Variants in ZDHHC9 observed in about 807,000 individuals in gnomAD.
The protein encoded by ZDHHC9 is zDHHC palmitoyltransferase 9, also known as palmitoyltransferase ZDHHC9.
ZDHHC9 carries 3 observed loss-of-function variants against 26.6 expected under a neutral mutation model. That is an observed-to-expected ratio of 0.11 (90% confidence interval 0.05 to 0.29). The LOEUF (loss-of-function observed/expected upper bound fraction) is 0.29, where lower values mean the gene tolerates loss of function less well. Ranked by LOEUF, ZDHHC9 falls within the 10% of genes least tolerant of loss-of-function variation. ZDHHC9 has a pLI of 1.00. For synonymous variants in ZDHHC9, 111 were observed against 109.4 expected (o/e 1.01, Z -0.09); for missense variants, 146 against 296.4 (o/e 0.49, Z 3.73).
chrX:129,812,924 A>G, intron 7 of ZDHHC9, 104 bp from the exon 8 acceptor site: 1 of 565,933 alleles, frequency 1.8e-6, no homozygotes, highest in Admixed American at 2.5e-5. Flanking sequence ...CCTGGAACGT[A>G]TATCACAAAA....
chrX:129,814,943 T>A, intron 5 of ZDHHC9, 148 bp from the exon 6 acceptor site: 1 of 672,560 alleles, frequency 1.5e-6, no homozygotes. Context: ...TTTTACTTTT[T>A]CAAAATGTTT....
chrX:129,843,684 A>G lies in ZDHHC9; in HGVS notation c.-204+12T>C, dbSNP rs912666837. On this transcript the variant is annotated intron_variant, in intron 1 of 10. Coordinates refer to ENST00000357166, the MANE Select transcript of ZDHHC9 (RefSeq NM_016032.4). ...CCGAGCCCAGGAGACCCCCGCCCCC[A>G]CCCCTCGTTACCTGAACCACGGAGA... The G allele has an allele frequency of 2.4e-3, 93 of 38,542 alleles. 1 individual carries two copies. The highest frequency in any genetic ancestry group is 8.2e-3 in the African/African-American group (84 of 10,194). 3.2% of individuals were successfully genotyped at this position (38,542 alleles called of 1,213,427 possible).
chrX:129,828,564 G>A (rs1246349452), intron 4 of ZDHHC9, among the ~76,000 whole-genome samples: 1 of 111,015 alleles, frequency 9.0e-6, no homozygotes, highest in African/African-American at 3.3e-5. Flanking sequence ...AGAGGTTGCA[G>A]TGAGCCAAGA....
chrX:129,815,732 T>C (rs998652754), intron 5 of ZDHHC9, among the ~76,000 whole-genome samples: 1 of 111,272 alleles, frequency 9.0e-6, no homozygotes, highest in Non-Finnish European at 1.9e-5. Context: ...ATGTTAAAAT[T>C]ACCATAAAGA....
At chrX:129,806,507 G>A (rs1394453267) in intron 10 of ZDHHC9, 21 bp from the exon 11 acceptor site, 1 of 1,162,555 alleles carries the variant, frequency 8.6e-7, no homozygotes, top group Non-Finnish European at 1.2e-6. Flanking sequence ...AAAGATATGA[G>A]ATTCAACACA....
intron 4 of ZDHHC9, among the ~76,000 whole-genome samples, chrX:129,824,166 T>C (rs1373209204): frequency 8.9e-6 from 1 of 112,225 alleles, no homozygotes. Context: ...AGCACAAAGA[T>C]ACCATTTTTA....
At chrX:129,811,211 G>A (rs182577567) in intron 9 of ZDHHC9, among the ~76,000 whole-genome samples, 195 bp downstream of exon 9, 1 of 111,874 alleles carries the variant, frequency 8.9e-6, no homozygotes, top group East Asian at 2.8e-4. Context: ...ATGAAATTAA[G>A]AATGAAAGAT....
intron 3 of ZDHHC9, among the ~76,000 whole-genome samples, chrX:129,829,777 T>A (rs767093852): frequency 2.5e-4 from 28 of 111,870 alleles, no homozygotes; most frequent in Non-Finnish European, 4.7e-4. Context: ...TTATCCTTAG[T>A]ACCCCTTCCC....
intron 3 of ZDHHC9, among the ~76,000 whole-genome samples, chrX:129,839,586 G>T (rs1052065210): frequency 5.5e-5 from 6 of 109,212 alleles, no homozygotes; most frequent in African/African-American, 2.0e-4. Flanking sequence ...GGAAATTATA[G>T]ATGCCAAAGA....
At chrX:129,813,861 C>T (rs747214677) in intron 6 of ZDHHC9, 136 bp from the exon 7 acceptor site, 44 of 573,600 alleles carry the variant, frequency 7.7e-5, no homozygotes, top group Non-Finnish European at 1.2e-4. Context: ...CTCACTCGGG[C>T]AAGGGTGAAG....
chrX:129,811,350 G>T, intron 9 of ZDHHC9, 56 bp downstream of exon 9: 1 of 1,021,564 alleles, frequency 9.8e-7, no homozygotes, highest in Non-Finnish European at 1.4e-6. Flanking sequence ...AAGGTAACAG[G>T]ATCAGGTTGA....
intron 10 of ZDHHC9, among the ~76,000 whole-genome samples, chrX:129,807,765 G>C (rs1317606616): frequency 9.0e-6 from 1 of 111,598 alleles, no homozygotes; most frequent in Non-Finnish European, 1.9e-5. Context: ...GTTGCAGTGA[G>C]CCAAGATGGC....
chrX:129,840,759 C>A (rs1212884006), intron 3 of ZDHHC9, among the ~76,000 whole-genome samples: 2 of 110,777 alleles, frequency 1.8e-5, no homozygotes, highest in Non-Finnish European at 3.8e-5. Flanking sequence ...ACTCTGGGTG[C>A]ACTGGGAAAG....
intron 7 of ZDHHC9, among the ~76,000 whole-genome samples, chrX:129,813,330 C>T (rs1403566442): frequency 9.0e-6 from 1 of 110,978 alleles, no homozygotes; most frequent in Non-Finnish European, 1.9e-5. Context: ...ACCCAGGAGG[C>T]GAGCTGGGGC....
In ZDHHC9 at chrX:129,812,790, T is replaced by A; in HGVS notation, c.705A>T (p.Thr235=). The change falls in exon 8 of 11, where the codon ACA becomes ACT. Residue 235 remains threonine (T), a synonymous_variant. Transcript: ENST00000357166. ...CAGTCAGTCCCACGACGGACCAGAG[T>A]GTAAAGAAGCAAATGAGGACTTCTA... ...TVLEVLICFF[T]LWSVVGLTGF... The A allele has an allele frequency of 8.3e-7, 1 of 1,210,211 alleles. No individual in the cohort carries two copies. The highest frequency in any genetic ancestry group is 1.1e-6 in the Non-Finnish European group (1 of 894,419).
Position 129,817,023 on chromosome X carries a change from C to T in ZDHHC9, c.488-2228G>A, listed in dbSNP as rs1329394952. 7.2e-5 allele frequency among the ~76,000 whole-genome samples: 8 copies of T among 110,376 alleles called. No individual in the cohort carries two copies. In the East Asian group the frequency reaches 1.7e-3, roughly 24 times the overall value. On this transcript the variant is annotated intron_variant, in intron 5 of 10. Coordinates refer to ENST00000357166, the MANE Select transcript of ZDHHC9 (RefSeq NM_016032.4). ...CCGAGTAGCTGGGATTACAGGCATC[C>T]GCCACCACGCCCAGCTAATTTTTGT...
chrX:129,812,157 C>T (rs958249507), intron 8 of ZDHHC9, among the ~76,000 whole-genome samples: 3 of 108,925 alleles, frequency 2.8e-5, no homozygotes, highest in Non-Finnish European at 3.8e-5. Context: ...GATCTTTGCT[C>T]GCTGCAACCT....
chrX:129,841,213 T>C (rs1279250287), intron 3 of ZDHHC9, among the ~76,000 whole-genome samples: 3 of 112,069 alleles, frequency 2.7e-5, no homozygotes, highest in Non-Finnish European at 5.6e-5. Context: ...TAGAGCTGTT[T>C]ACGTTGAGTG....
At chrX:129,810,110 G>T (rs1239474420) in intron 10 of ZDHHC9, among the ~76,000 whole-genome samples, 1 of 110,775 alleles carries the variant, frequency 9.0e-6, no homozygotes, top group Non-Finnish European at 1.9e-5. Context: ...CAACACTTTG[G>T]GAGGCTGAGG....
Sources: gnomAD v4.1 joint callset for allele counts (sites outside exome capture counted in the v4.1 genomes callset) on GRCh38, gnomAD v4.1.1 for gene constraint, MANE v1.5 for transcripts, NCBI Gene and HGNC (gene_info 2026-07-23, HGNC 2026-07-21) for gene names.